Variants in NTN1 observed in about 807,000 individuals in gnomAD.
NTN1 encodes netrin 1, also known as netrin-1.
Under a neutral mutation model 54.2 loss-of-function variants are expected in NTN1, and 11 were observed. The ratio of observed to expected loss-of-function variants is 0.20; its 90% confidence interval spans 0.13 to 0.34. The LOEUF (loss-of-function observed/expected upper bound fraction) is 0.34. Among genes scored for constraint, NTN1 ranks in the 10% least tolerant of loss-of-function variants. NTN1 has a pLI of 1.00. For missense variants in NTN1, 740 were observed against 893.1 expected, an observed-to-expected ratio of 0.83 and a Z score of 2.18; for synonymous variants, 371 against 382.0, an observed-to-expected ratio of 0.97 and a Z score of 0.33.
At chr17:9,070,364 T>C (rs1293997254) in intron 2 of NTN1, among the ~76,000 whole-genome samples, 1 of 152,214 alleles carries the variant, frequency 6.6e-6, no homozygotes, top group Non-Finnish European at 1.5e-5. Context: ...TGCGTGCTTC[T>C]TTCTCCCGAG....
intron 5 of NTN1, among the ~76,000 whole-genome samples, chr17:9,206,557 C>T (rs1904974019): frequency 6.6e-6 from 1 of 152,136 alleles, no homozygotes; most frequent in Non-Finnish European, 1.5e-5. Context: ...CAGCGTGCCT[C>T]TCCGTGCCTT....
At chr17:9,006,959 C>T in the NTN1 span, among the ~76,000 whole-genome samples, 27 of 152,256 alleles carry the variant, frequency 1.8e-4, no homozygotes, top group Non-Finnish European at 3.2e-4. Flanking sequence ...GCTTCTCCAC[C>T]GCCATCATGG....
intron 5 of NTN1, among the ~76,000 whole-genome samples, chr17:9,209,248 C>A (rs1462954784): frequency 6.6e-6 from 1 of 152,258 alleles, no homozygotes; most frequent in Non-Finnish European, 1.5e-5. Context: ...TGGATGTGAA[C>A]CCTTTCCCTG....
chr17:9,229,083 T>A (rs8075847), intron 6 of NTN1, among the ~76,000 whole-genome samples: 4 of 5,146 alleles, frequency 7.8e-4, no homozygotes, highest in Admixed American at 6.0e-3. Context: ...TTTGTGACTG[T>A]GTGTGTGACT....
intron 6 of NTN1, among the ~76,000 whole-genome samples, chr17:9,225,969 C>T (rs577415612): frequency 7.2e-5 from 11 of 152,168 alleles, no homozygotes; most frequent in Admixed American, 2.0e-4. Flanking sequence ...CTGAAGAGCG[C>T]GGGTCTGGGG....
At chr17:9,208,793 G>A (rs1244179305) in intron 5 of NTN1, among the ~76,000 whole-genome samples, 4 of 152,256 alleles carry the variant, frequency 2.6e-5, no homozygotes, top group Non-Finnish European at 5.9e-5. Context: ...AGCCCTGCCT[G>A]GCTCTAGGCC....
chr17:9,040,687 A>T (rs1163113646), intron 2 of NTN1, among the ~76,000 whole-genome samples: 1 of 152,100 alleles, frequency 6.6e-6, no homozygotes, highest in Non-Finnish European at 1.5e-5. Flanking sequence ...ACATTTCTAG[A>T]GTTTCATTGT....
chr17:9,176,662 G>A (rs181549319), intron 3 of NTN1: 1 of 152,376 alleles, frequency 6.6e-6, no homozygotes, highest in Non-Finnish European at 1.5e-5. Context: ...CCTTTGGCTG[G>A]AGATTGAGAA....
At chr17:9,021,200 G>A (rs1274329301), upstream of NTN1, among the ~76,000 whole-genome samples, 3 of 151,212 alleles carry the variant, frequency 2.0e-5, no homozygotes, top group African/African-American at 4.9e-5. Flanking sequence ...CGCGGGGCGC[G>A]GGCGAGGCTG....
intron 2 of NTN1, among the ~76,000 whole-genome samples, chr17:9,152,516 A>G (rs555845739): frequency 6.6e-6 from 1 of 152,172 alleles, no homozygotes; most frequent in East Asian, 1.9e-4. Context: ...CCACCACCCC[A>G]GGGCCATGGC....
intron 2 of NTN1, among the ~76,000 whole-genome samples, chr17:9,031,838 T>C (rs2091889186): frequency 6.6e-6 from 1 of 152,084 alleles, no homozygotes; most frequent in South Asian, 2.1e-4. Context: ...GGCCCACACC[T>C]GTAATCCTAA....
At chr17:9,089,991 C>A (rs150294317) in intron 2 of NTN1, among the ~76,000 whole-genome samples, 35 of 152,106 alleles carry the variant, frequency 2.3e-4, no homozygotes, top group African/African-American at 8.4e-4. Flanking sequence ...AAGCCCACAG[C>A]CTGTCTATCC....
At chr17:9,061,688 GT>G (rs2091998955) in intron 2 of NTN1, among the ~76,000 whole-genome samples, 1 of 151,848 alleles carries the variant, frequency 6.6e-6, no homozygotes, top group South Asian at 2.1e-4. Flanking sequence ...TGTTGTTGTT[GT>G]TTTTGTTTTA....
chr17:9,022,529 C>G lies in NTN1; in HGVS notation c.156C>G (p.Ile52Met). The change falls in exon 2 of 7, where the codon ATC becomes ATG. Residue 52 changes from isoleucine (I) to methionine (M), a missense_variant. By Grantham distance (10) the Ile-to-Met change is conservative. Transcript: ENST00000173229. ...AGAACGGCCACCCGCGCCGCTGCAT[C>G]CCGGACTTTGTCAATGCGGCCTTCG... ...SDENGHPRRC[I>M]PDFVNAAFGK... is the part of the protein sequence containing the mutation. 1.3e-6 allele frequency: 2 copies of G among 1,550,600 alleles called. No individual in the cohort carries two copies. Among genetic ancestry groups the G allele is most frequent in the African/African-American group, 1.4e-5 (1 of 73,572 alleles).
intron 3 of NTN1, among the ~76,000 whole-genome samples, chr17:9,170,039 G>A (rs900744070): frequency 6.6e-6 from 1 of 152,170 alleles, no homozygotes; most frequent in African/African-American, 2.4e-5. Context: ...TTGTTGCCAG[G>A]AGAGCACTTA....
intron 5 of NTN1, among the ~76,000 whole-genome samples, chr17:9,193,938 A>AAAAAAAAAAAAAAAAAAACAAAAAAC: frequency 9.2e-6 from 1 of 108,306 alleles, no homozygotes; most frequent in Non-Finnish European, 1.9e-5. Context: ...AAAAAAAAAA[A>AAAAAAAAAAAAAAAAAAACAAAAAAC]AAAAAACATT....
chr17:9,183,202 C>G, intron 5 of NTN1: 1 of 690,664 alleles, frequency 1.4e-6, no homozygotes, highest in South Asian at 1.6e-5. Context: ...GCCTCTCTCC[C>G]AAGCCTGGAA....
chr17:9,226,424 TCTCGTGGGGAGGC>T (rs1905553459), intron 6 of NTN1, among the ~76,000 whole-genome samples: 14 of 104,248 alleles, frequency 1.3e-4, no homozygotes, highest in Non-Finnish European at 2.0e-4. Flanking sequence ...GGGGAGGCGG[TCTCGTGGGGAGGC>T]GGTCTCGTGG....
chr17:9,172,727 T>A (rs2092390444), intron 3 of NTN1: 1 of 151,460 alleles, frequency 6.6e-6, no homozygotes, highest in South Asian at 2.1e-4. Context: ...AAAACTACCA[T>A]GAGGCCGGAA....
Sources: gnomAD v4.1 joint callset for allele counts (sites outside exome capture counted in the v4.1 genomes callset) on GRCh38, gnomAD v4.1.1 for gene constraint, MANE v1.5 for transcripts, NCBI Gene and HGNC (gene_info 2026-07-23, HGNC 2026-07-21) for gene names.